FBXO32: variants seen among roughly 807,000 people sequenced by gnomAD.
FBXO32 encodes the protein F-box only protein 32.
Under a neutral mutation model 48.3 loss-of-function variants are expected in FBXO32, and 15 were observed. That is an observed-to-expected ratio of 0.31 (90% confidence interval 0.21 to 0.48). The LOEUF (loss-of-function observed/expected upper bound fraction) is 0.48, where lower values mean the gene tolerates loss of function less well. Among genes scored for constraint, FBXO32 ranks in the 20% least tolerant of loss-of-function variants. The pLI, the probability that FBXO32 is intolerant of heterozygous loss-of-function variation, is 0.99. For synonymous variants in FBXO32, 154 were observed against 165.9 expected, an observed-to-expected ratio of 0.93 and a Z score of 0.55; for missense variants, 309 against 432.7, an observed-to-expected ratio of 0.71 and a Z score of 2.54.
chr8:123,519,403 T>C (rs1422481802), intron 4 of FBXO32, among the ~76,000 whole-genome samples: 1 of 151,732 alleles, frequency 6.6e-6, no homozygotes, highest in African/African-American at 2.4e-5. Flanking sequence ...TACAAAAAAT[T>C]AGCCGGATGC....
Position 123,540,954 on chromosome 8 carries a change from C to G in FBXO32, c.61G>C (p.Gly21Arg), listed in dbSNP as rs1424958402. The G allele has an allele frequency of 6.2e-7, 1 of 1,613,456 alleles. No individual in the cohort carries two copies. The part of the protein sequence containing the change: ...PGQNWVKTAD[G>R]WKRFLDEKSG... ...TTCTCATCCAGGAAGCGCTTCCAGC[C>G]GTCGGCCGTCTTCACCCAGTTCTGC... Residue 21 changes from glycine to arginine, a missense_variant, in exon 1 of 9, where the codon GGC becomes CGC. Transcript: ENST00000517956. The surrounding 1 kb of genome is among the most constrained non-coding windows in gnomAD (Gnocchi z 6.4).
intron 4 of FBXO32, among the ~76,000 whole-genome samples, chr8:123,518,988 AT>A (rs143951455): frequency 2.6e-5 from 4 of 151,834 alleles, no homozygotes; most frequent in African/African-American, 4.8e-5. Context: ...TGCCTGGCTA[AT>A]TTTTTTTATT....
chr8:123,512,478 G>C (rs775534890), intron 6 of FBXO32, among the ~76,000 whole-genome samples: 3 of 151,468 alleles, frequency 2.0e-5, no homozygotes, highest in Non-Finnish European at 4.4e-5. Flanking sequence ...AGCCGCCTGA[G>C]TGTGTCTGTC....
Position 123,504,719 on chromosome 8 carries a change from TTGTC to T in FBXO32, c.859_862del (p.Asp287LysfsTer98). ...CATCTTCTTCCAATCCAGCTGCCCTTTGTCTGACAGAATTAATCGTTTGCGGATC... is the reference window on the plus strand; with the variant it reads ...CATCTTCTTCCAATCCAGCTGCCCTTTGACAGAATTAATCGTTTGCGGATC... On this transcript the variant is annotated frameshift_variant, in exon 8 of 9. Coordinates refer to ENST00000517956, the MANE Select transcript of FBXO32 (RefSeq NM_058229.4). LOFTEE classifies it high-confidence loss of function. 1 of 1,613,984 alleles carries T rather than the reference TTGTC, an allele frequency of 6.2e-7. No individual in the cohort carries two copies.
intron 4 of FBXO32, among the ~76,000 whole-genome samples, chr8:123,515,953 T>C (rs1221310168): frequency 1.3e-5 from 2 of 152,108 alleles, no homozygotes; most frequent in African/African-American, 2.4e-5. Context: ...GATCGTGCCA[T>C]TGAACTCTCG....
rs1390390263 is a variant in FBXO32 at position 123,506,142 on chromosome 8, T to G, written c.834+250A>C. Among the ~76,000 whole-genome samples, 1 of 152,092 alleles carries G rather than the reference T, an allele frequency of 6.6e-6. No homozygotes were observed. The highest frequency in any genetic ancestry group is 1.9e-4 in the East Asian group (1 of 5,158). ...TACTCGGGAGGCTGAGGTGGGAGGG[T>G]TGCTTGAGCCCAAGTGGCTGAGGTT... is the stretch of plus-strand genomic sequence containing the variant. On this transcript the variant is annotated intron_variant, in intron 7 of 8. Coordinates refer to ENST00000517956, the MANE Select transcript of FBXO32 (RefSeq NM_058229.4). This position sits in a 1 kb window ranked among gnomAD's most constrained non-coding sequence, Gnocchi z 4.0.
chr8:123,519,594 G>A (rs1398538371), intron 4 of FBXO32, among the ~76,000 whole-genome samples: 1 of 150,314 alleles, frequency 6.7e-6, no homozygotes, highest in East Asian at 2.0e-4. Flanking sequence ...AATATGTTGT[G>A]ACTGGTAAAC....
chr8:123,522,150 AT>A, intron 4 of FBXO32, among the ~76,000 whole-genome samples: 1 of 151,878 alleles, frequency 6.6e-6, no homozygotes, highest in South Asian at 2.1e-4. Context: ...ACATGCATTA[AT>A]TGTATTCTCA....
rs754121250 is a variant in FBXO32 at position 123,528,428 on chromosome 8, T to C, written c.372+3470A>G. Among the ~76,000 whole-genome samples the C allele has an allele frequency of 1.9e-4, 29 of 152,274 alleles. 1 individual carries two copies. The South Asian group carries it at 2.7e-3, about 14-fold the overall frequency. ...GTTCCTCAAGGGAATTTCCAAAATGTGTTGGTCTTGAGGTATAGGGTAAAC... is the reference window on the plus strand; with the variant it reads ...GTTCCTCAAGGGAATTTCCAAAATGCGTTGGTCTTGAGGTATAGGGTAAAC... On this transcript the variant is annotated intron_variant, in intron 4 of 8. Transcript: ENST00000517956.
rs1327057514 is a variant in FBXO32, at chr8:123,499,357, T to G, written c.*4016A>C. The G allele has an allele frequency of 6.6e-6, 1 of 152,102 alleles. No individual in the cohort carries two copies. Among genetic ancestry groups the G allele is most frequent in the East Asian group, 1.9e-4 (1 of 5,186 alleles). 9.4% of individuals were successfully genotyped at this position (152,102 alleles called of 1,614,324 possible). The stretch of plus-strand genomic sequence containing the variant: ...AAGATATATCAAAGAACAACATCTC[T>G]GTATTGGCCTACAGGTTCAGAGTGT... On this transcript the variant is annotated 3_prime_UTR_variant, in exon 9 of 9. Transcript: ENST00000517956.
intron 4 of FBXO32, among the ~76,000 whole-genome samples, chr8:123,523,926 G>A (rs569510014): frequency 6.6e-5 from 10 of 152,274 alleles, no homozygotes; most frequent in Admixed American, 4.6e-4. Context: ...CATACCAGGC[G>A]CGGTTCTACA....
intron 6 of FBXO32, among the ~76,000 whole-genome samples, chr8:123,508,443 C>A (rs1411052507): frequency 6.6e-6 from 1 of 152,152 alleles, no homozygotes; most frequent in East Asian, 1.9e-4. Flanking sequence ...ATCTGGATCC[C>A]AGCTCCCCTG....
chr8:123,505,431 A>G (rs1816594668), intron 7 of FBXO32, among the ~76,000 whole-genome samples: 1 of 149,916 alleles, frequency 6.7e-6, no homozygotes, highest in Non-Finnish European at 1.5e-5. Flanking sequence ...AAATGAAATG[A>G]TATCTGTAAA....
intron 6 of FBXO32, among the ~76,000 whole-genome samples, chr8:123,508,297 C>A (rs1435466512): frequency 2.0e-5 from 3 of 152,288 alleles, no homozygotes; most frequent in South Asian, 2.1e-4. Context: ...TAGGTCTGGG[C>A]AGTTCTCTCC....
At chr8:123,531,814 TGG>T (rs1187430533) in intron 4 of FBXO32, 82 bp downstream of exon 4, 2 of 1,537,526 alleles carry the variant, frequency 1.3e-6, no homozygotes, top group Non-Finnish European at 1.8e-6. Flanking sequence ...AGTAATTTTT[TGG>T]GGAAACTACT....
At position 123,506,376 on chromosome 8, in the gene FBXO32, A is replaced by T. The variant is rs1309481088; in HGVS notation, c.834+16T>A. The T allele has an allele frequency of 1.9e-6, 3 of 1,611,842 alleles. No homozygotes were observed. The highest frequency in any genetic ancestry group is 2.5e-6 in the Non-Finnish European group (3 of 1,179,602). Reference sequence around the variant, plus strand: ...GAGAAGGAGGGTGGGAGGAAAGCCCACTGGGCCTTGCTGACCTGCCGCTCG... The same window carrying T: ...GAGAAGGAGGGTGGGAGGAAAGCCCTCTGGGCCTTGCTGACCTGCCGCTCG... On this transcript the variant is annotated intron_variant, in intron 7 of 8. Transcript: ENST00000517956. This position sits in a 1 kb window ranked among gnomAD's most constrained non-coding sequence, Gnocchi z 4.0.
chr8:123,527,610 T>C (rs983787234), intron 4 of FBXO32, among the ~76,000 whole-genome samples: 1 of 152,232 alleles, frequency 6.6e-6, no homozygotes, highest in African/African-American at 2.4e-5. Flanking sequence ...TCCCCAACTG[T>C]ATCTGGCCCA....
At chr8:123,528,309 T>C (rs930057171) in intron 4 of FBXO32, among the ~76,000 whole-genome samples, 3 of 152,182 alleles carry the variant, frequency 2.0e-5, no homozygotes, top group Non-Finnish European at 4.4e-5. Context: ...ACTCACTCGA[T>C]CCTCTGACCT....
chr8:123,534,795 A>G lies in FBXO32; in HGVS notation c.136T>C (p.Tyr46His). The G allele has an allele frequency of 6.2e-7, 1 of 1,611,942 alleles. No homozygotes were observed. The highest frequency in any genetic ancestry group is 8.5e-7 in the Non-Finnish European group (1 of 1,178,368). The stretch of plus-strand genomic sequence containing the variant: ...CTGTTGAAAAGATTCTCCTTATTGT[A>G]TACCTCCTTGTTGCAGTAACTATGA... ...DLSSYCNKEVYNKENLFNSLN... is the reference protein window; with the variant it reads ...DLSSYCNKEVHNKENLFNSLN... Residue 46 changes from tyrosine to histidine, a missense_variant, in exon 2 of 9, where the codon TAC becomes CAC. Physicochemically the swap from Tyr to His is moderately conservative, Grantham distance 83. Transcript: ENST00000517956.
Sources: allele counts gnomAD v4.1 joint callset (sites outside exome capture counted in the v4.1 genomes callset), GRCh38; gene constraint gnomAD v4.1.1; non-coding constraint Gnocchi (gnomAD v3.1); transcripts MANE v1.5; gene names NCBI Gene and HGNC (gene_info 2026-07-23, HGNC 2026-07-21).